Variants in CEP44 observed in about 807,000 individuals in gnomAD.
CEP44 encodes centrosomal protein of 44 kDa.
In CEP44, 45 loss-of-function variants were observed where a neutral mutation model predicts 46.7. The ratio of observed to expected loss-of-function variants is 0.96; its 90% confidence interval spans 0.76 to 1.24. CEP44 has a LOEUF of 1.24. Ranked by LOEUF, CEP44 falls within the 50% of genes most tolerant of loss-of-function variation. The pLI, the probability that CEP44 is intolerant of heterozygous loss-of-function variation, is 0.00. For missense variants in CEP44, 475 were observed against 459.7 expected, an observed-to-expected ratio of 1.03 and a Z score of -0.30; for synonymous variants, 142 against 146.0, an observed-to-expected ratio of 0.97 and a Z score of 0.20.
downstream of CEP44, among the ~76,000 whole-genome samples, chr4:174,322,449 G>A (rs1025958585): frequency 1.3e-5 from 2 of 151,934 alleles, no homozygotes; most frequent in South Asian, 2.1e-4. Context: ...TCCAAATAAT[G>A]CCCCCTAGGT....
intron 9 of CEP44, among the ~76,000 whole-genome samples, chr4:174,313,092 C>T (rs1741268071): frequency 6.6e-6 from 1 of 152,010 alleles, no homozygotes; most frequent in Non-Finnish European, 1.5e-5. Flanking sequence ...AAATTTTTAG[C>T]ATAAAATAAG....
rs1741461336 is a variant in CEP44, at chr4:174,314,693, C to A, written c.962-1473C>A. On this transcript the variant is annotated intron_variant, in intron 9 of 11. Transcript: ENST00000503780. The surrounding 1 kb of genome is among the most constrained non-coding windows in gnomAD (Gnocchi z 4.1). ...AAATGTTCAGGACAACTATCTGTAC[C>A]CACAGAAAAAAATCCAAGATTTAGT... is the stretch of plus-strand genomic sequence containing the variant. Among the ~76,000 whole-genome samples, 1 of 152,162 alleles carries A rather than the reference C, an allele frequency of 6.6e-6. No homozygotes were observed. Among genetic ancestry groups the A allele is most frequent in the African/African-American group, 2.4e-5 (1 of 41,426 alleles).
chr4:174,299,323 C>T (rs1739445270), intron 3 of CEP44, 113 bp downstream of exon 3: 2 of 768,066 alleles, frequency 2.6e-6, no homozygotes, highest in Non-Finnish European at 4.1e-6. Context: ...CTATTTAAAT[C>T]TGCCTTGAAA....
At chr4:174,291,233 G>A (rs1738160094) in intron 1 of CEP44, among the ~76,000 whole-genome samples, 1 of 151,666 alleles carries the variant, frequency 6.6e-6, no homozygotes, top group Admixed American at 6.6e-5. Flanking sequence ...TCTCTTGTTT[G>A]TTGTCTTTGT....
At chr4:174,303,518 C>T (rs931586965) in intron 4 of CEP44, among the ~76,000 whole-genome samples, 185 bp from the exon 5 acceptor site, 2 of 152,134 alleles carry the variant, frequency 1.3e-5, no homozygotes, top group Non-Finnish European at 2.9e-5. Flanking sequence ...CCACCTGATA[C>T]CTGTCTTACT....
downstream of CEP44, among the ~76,000 whole-genome samples, chr4:174,321,470 T>C (rs1225639214): frequency 6.6e-6 from 1 of 152,178 alleles, no homozygotes; most frequent in Non-Finnish European, 1.5e-5. Context: ...GTAAGCTTTG[T>C]ACAAATAACT....
downstream of CEP44, among the ~76,000 whole-genome samples, chr4:174,324,674 C>G (rs146394966): frequency 5.5e-4 from 83 of 152,210 alleles, no homozygotes; most frequent in African/African-American, 1.9e-3. Context: ...AGAGGATCCC[C>G]TCCTCACTCT....
At position 174,301,756 on chromosome 4, in the gene CEP44, A is replaced by T. The variant is rs565407715; in HGVS notation, c.90-283A>T. 6.6e-6 allele frequency among the ~76,000 whole-genome samples: 1 copy of T among 152,250 alleles called. No homozygotes were observed. The highest frequency in any genetic ancestry group is 1.5e-5 in the Non-Finnish European group (1 of 67,966). ...TTAGTAGTAGAAAATGGAGTAGATCACGTAAGACTAAGCTTTGGAAAATCA... is the reference window on the plus strand; with the variant it reads ...TTAGTAGTAGAAAATGGAGTAGATCTCGTAAGACTAAGCTTTGGAAAATCA... On this transcript the variant is annotated intron_variant, in intron 3 of 11. Coordinates refer to ENST00000503780, the MANE Select transcript of CEP44 (RefSeq NM_001040157.3). This position sits in a 1 kb window ranked among gnomAD's most constrained non-coding sequence, Gnocchi z 4.3.
chr4:174,303,536 G>A (rs28653207), intron 4 of CEP44, among the ~76,000 whole-genome samples, 167 bp from the exon 5 acceptor site: 23 of 152,146 alleles, frequency 1.5e-4, no homozygotes, highest in African/African-American at 5.3e-4. Flanking sequence ...ACTGGATCAT[G>A]ACTTAACACC....
chr4:174,318,167 G>T lies in CEP44; in HGVS notation c.*784G>T. On this transcript the variant is annotated 3_prime_UTR_variant, in exon 12 of 12. Transcript: ENST00000503780. ...CAACCTCTGCCTACCGGGTTCAAGT[G>T]ATTCTTGTGCCTCAGCCTCCTGAGT... The T allele has an allele frequency of 1.4e-6, 1 of 732,054 alleles. No individual in the cohort carries two copies. The highest frequency in any genetic ancestry group is 1.7e-6 in the Non-Finnish European group (1 of 598,888). The allele number at this position is 732,054 out of a possible 1,614,324, so 45.3% of individuals were successfully genotyped here.
chr4:174,308,888 G>C, intron 7 of CEP44, 29 bp downstream of exon 7: 1 of 1,594,132 alleles, frequency 6.3e-7, no homozygotes, highest in South Asian at 1.1e-5. Flanking sequence ...TTAAATAGAT[G>C]CCAGTATTTT....
In CEP44 at chr4:174,288,878, C is replaced by T. The variant is rs949019933; in HGVS notation, c.-148+4935C>T. ...TATCTTTAAGTATCTTAGCTGTGGG[C>T]TTCTCATAAATGGACTTTATTTTGT... On this transcript the variant is annotated intron_variant, in intron 1 of 11. Coordinates refer to ENST00000503780, the MANE Select transcript of CEP44 (RefSeq NM_001040157.3). This position sits in a 1 kb window ranked among gnomAD's most constrained non-coding sequence, Gnocchi z 4.6. 2.6e-5 allele frequency among the ~76,000 whole-genome samples: 4 copies of T among 152,128 alleles called. No individual in the cohort carries two copies. The highest frequency in any genetic ancestry group is 6.5e-5 in the Admixed American group (1 of 15,282).
At chr4:174,298,277 G>A (rs369178362) in intron 2 of CEP44, among the ~76,000 whole-genome samples, 5 of 140,276 alleles carry the variant, frequency 3.6e-5, no homozygotes, top group Admixed American at 3.0e-4. Context: ...CCGGGTTCAC[G>A]CCATTCTCCT....
At position 174,331,755 on chromosome 4, in the gene CEP44, C is replaced by G. The variant is rs1337237051; in HGVS notation, c.*160C>G. On this transcript the variant is annotated 3_prime_UTR_variant, in exon 9 of 9. Transcript: ENST00000426172. This position sits in a 1 kb window ranked among gnomAD's most constrained non-coding sequence, Gnocchi z 4.5. ...AAAACTGATGACTTTTTCCTTCCTGCTACATGGGTAACACTTAGTTGTTTG... is the reference window on the plus strand; with the variant it reads ...AAAACTGATGACTTTTTCCTTCCTGGTACATGGGTAACACTTAGTTGTTTG... 8.9e-6 allele frequency: 8 copies of G among 894,592 alleles called. No homozygotes were observed. The South Asian group carries it at 1.1e-4, about 12-fold the overall frequency. 55.4% of individuals were successfully genotyped at this position (894,592 alleles called of 1,614,324 possible).
chr4:174,303,572 T>C, intron 4 of CEP44, 131 bp from the exon 5 acceptor site: 3 of 521,566 alleles, frequency 5.8e-6, no homozygotes, highest in Non-Finnish European at 1.0e-5. Context: ...TTTAGTACTC[T>C]TTAGTTAATG....
At chr4:174,302,231 T>A in intron 4 of CEP44, 45 bp downstream of exon 4, 4 of 1,262,154 alleles carry the variant, frequency 3.2e-6, no homozygotes, top group Non-Finnish European at 4.5e-6. Context: ...ATTGAATGAT[T>A]TTTAAAAATT....
chr4:174,295,116 C>A (rs1482998269), intron 1 of CEP44, among the ~76,000 whole-genome samples: 2 of 150,726 alleles, frequency 1.3e-5, no homozygotes, highest in African/African-American at 2.4e-5. Flanking sequence ...GGGCGGCTGG[C>A]CTGGCGGGGG....
chr4:174,322,214 T>C (rs552469519), downstream of CEP44, among the ~76,000 whole-genome samples: 4 of 152,280 alleles, frequency 2.6e-5, no homozygotes, highest in Admixed American at 2.6e-4. Flanking sequence ...AATTATCCTC[T>C]CAATTTCGCA....
Position 174,319,574 on chromosome 4 carries a change from TA to T in CEP44, c.*2195del, listed in dbSNP as rs1168680476. 1.3e-6 allele frequency: 1 copy of T among 785,094 alleles called. No individual in the cohort carries two copies. The highest frequency in any genetic ancestry group is 1.9e-5 in the African/African-American group (1 of 53,218). The allele number at this position is 785,094 out of a possible 1,614,324, so 48.6% of individuals were successfully genotyped here. ...CAGATATACACACAGAGAAGGGACT[TA>T]AAACATTTCTAATCTCCTAGTTTAT... On this transcript the variant is annotated 3_prime_UTR_variant, in exon 12 of 12. Coordinates refer to ENST00000503780, the MANE Select transcript of CEP44 (RefSeq NM_001040157.3).
Sources: allele counts gnomAD v4.1 joint callset (sites outside exome capture counted in the v4.1 genomes callset), GRCh38; gene constraint gnomAD v4.1.1; non-coding constraint Gnocchi (gnomAD v3.1); transcripts MANE v1.5; gene names NCBI Gene and HGNC (gene_info 2026-07-23, HGNC 2026-07-21).